Variants in PUS7L observed in about 807,000 individuals in gnomAD.
PUS7L encodes pseudouridine synthase 7 like.
PUS7L carries 49 observed loss-of-function variants against 51.1 expected under a neutral mutation model. The ratio of observed to expected loss-of-function variants is 0.96; its 90% CI spans 0.76 to 1.22. PUS7L has a LOEUF of 1.22. Ranked by LOEUF, PUS7L falls within the 50% of genes most tolerant of loss-of-function variation. PUS7L has a pLI of 0.00. For missense variants in PUS7L, 828 were observed against 820.6 expected (o/e 1.01, Z -0.11); for synonymous variants, 277 against 276.2 (o/e 1.00, Z -0.03).
intron 5 of PUS7L, chr12:43,739,131 AC>A (rs1420733304): frequency 1.3e-5 from 2 of 152,702 alleles, no homozygotes; most frequent in Admixed American, 6.5e-5. Context: ...AAGATCAAGA[AC>A]CACTCTGAGG....
Position 43,736,362 on chromosome 12 carries a change from C to G in PUS7L, c.1725+19G>C. 1 of 1,606,306 alleles carries G rather than the reference C, an allele frequency of 6.2e-7. No individual in the cohort carries two copies. Among genetic ancestry groups the G allele is most frequent in the South Asian group, 1.1e-5 (1 of 90,662 alleles). ...GTATAGTAACTACTCTTGGAAAACT[C>G]TGATGGAATGATACTTACTTTACTA... On this transcript the variant is annotated intron_variant, in intron 7 of 8. Coordinates refer to ENST00000344862, the MANE Select transcript of PUS7L (RefSeq NM_031292.5).
intron 5 of PUS7L, among the ~76,000 whole-genome samples, chr12:43,742,011 C>A (rs906384288): frequency 2.0e-5 from 3 of 152,064 alleles, no homozygotes; most frequent in African/African-American, 7.3e-5. Flanking sequence ...AATATTTCAG[C>A]AAATGCAGCT....
rs1033586491 is a variant in PUS7L at position 43,758,734 on chromosome 12, G to A, written c.-21C>T. The A allele has an allele frequency of 1.0e-6, 1 of 975,120 alleles. No homozygotes were observed. Among genetic ancestry groups the A allele is most frequent in the African/African-American group, 1.9e-5 (1 of 53,702 alleles). 60.4% of individuals were successfully genotyped at this position (975,120 alleles called of 1,614,324 possible). A position where few individuals can be genotyped will look rare whatever the true frequency, so the allele number is the denominator to read the frequency against. ...AAGAAACTCGACCCCGTCTACCTCG[G>A]TTCAGTGGAAGGCATTCATTTGCAC... On this transcript the variant is annotated 5_prime_UTR_variant, in exon 1 of 9. Transcript: ENST00000344862.
chr12:43,743,768 A>C lies in PUS7L; in HGVS notation c.1264-1213T>G, dbSNP rs956978194. Among the ~76,000 whole-genome samples, 6 of 152,338 alleles carry C rather than the reference A, an allele frequency of 3.9e-5. No individual in the cohort carries two copies. In the East Asian group the frequency reaches 9.7e-4, roughly 25 times the overall value. ...ACAGAGCGAGACTCCGTCTCAAAAA[A>C]AAAAAAATTAATTACAGATAGAATA... On this transcript the variant is annotated intron_variant, in intron 4 of 8. Transcript: ENST00000344862.
chr12:43,733,070 C>T (rs1592158812), intron 7 of PUS7L, among the ~76,000 whole-genome samples: 1 of 152,264 alleles, frequency 6.6e-6, no homozygotes, highest in East Asian at 1.9e-4. Flanking sequence ...AGGTTGATAT[C>T]CAGCAATTCA....
At chr12:43,745,136 T>TA (rs11383781) in intron 4 of PUS7L, among the ~76,000 whole-genome samples, 93,704 of 151,990 alleles carry the variant, frequency 0.62, 30,639 homozygotes, top group African/African-American at 0.86. Context: ...AGGTCAAAAA[T>TA]TTTATTATCT....
rs138505269 is a variant in PUS7L, at chr12:43,734,706, C to T, written c.1725+1675G>A. Among the ~76,000 whole-genome samples, 75 of 152,158 alleles carry T rather than the reference C, an allele frequency of 4.9e-4. 1 individual carries two copies. The highest frequency in any genetic ancestry group is 2.3e-3 in the South Asian group (11 of 4,824). ...CCAACAGGGCTAGGAGTTAGGCAGC[C>T]GGGTCTTTTTAATTCCACTACTTGT... is the stretch of plus-strand genomic sequence containing the variant. On this transcript the variant is annotated intron_variant, in intron 7 of 8. Transcript: ENST00000344862.
Position 43,736,576 on chromosome 12 carries a change from C to T in PUS7L, c.1530G>A (p.Met510Ile). Reference protein sequence around the residue: ...ALLEALHRFGMTEEGCIQAWF... With the variant: ...ALLEALHRFGITEEGCIQAWF... ...ATGCCTGGATACAACCTTCCTCGGT[C>T]ATGCCAAAGCGGTGCAATGCCTCCA... The change falls in exon 7 of 9, where the codon ATG (methionine) becomes ATA (isoleucine). Residue 510 changes from methionine (M) to isoleucine (I), a missense_variant. Met to Ile is a conservative substitution (Grantham distance 10). Transcript: ENST00000344862. 1 of 1,614,214 alleles carries T rather than the reference C, an allele frequency of 6.2e-7. No homozygotes were observed. Among genetic ancestry groups the T allele is most frequent in the Non-Finnish European group, 8.5e-7 (1 of 1,180,044 alleles).
Position 43,729,011 on chromosome 12 carries a change from A to G in PUS7L, c.*1365T>C. On this transcript the variant is annotated 3_prime_UTR_variant, in exon 9 of 9. Coordinates refer to ENST00000344862, the MANE Select transcript of PUS7L (RefSeq NM_031292.5). ...TATGCTAACATGTCTCTTATTTGTG[A>G]AAGATGAATTCAGAGTATTATTGCA... 5.4e-6 allele frequency: 2 copies of G among 370,586 alleles called. No individual in the cohort carries two copies. Among genetic ancestry groups the G allele is most frequent in the Non-Finnish European group, 9.6e-6 (2 of 207,750 alleles). The allele number at this position is 370,586 out of a possible 1,614,324, so 23.0% of individuals were successfully genotyped here. A position where few individuals can be genotyped will look rare whatever the true frequency, so the allele number is the denominator to read the frequency against.
rs1944385756 is a variant in PUS7L at position 43,720,512 on chromosome 12, C to A, written c.*9864G>T. 6.6e-6 allele frequency: 1 copy of A among 152,158 alleles called. No individual in the cohort carries two copies. The highest frequency in any genetic ancestry group is 2.1e-4 in the South Asian group (1 of 4,828). 9.4% of individuals were successfully genotyped at this position (152,158 alleles called of 1,614,324 possible). On this transcript the variant is annotated 3_prime_UTR_variant, in exon 9 of 9. Coordinates refer to ENST00000344862, the MANE Select transcript of PUS7L (RefSeq NM_031292.5). ...AATAAATAAGTGCATCTCTTAATTT[C>A]TGATATATAGAGATTTTCCTGTTAT...
intron 4 of PUS7L, among the ~76,000 whole-genome samples, chr12:43,744,868 C>T (rs530031221): frequency 1.3e-5 from 2 of 152,130 alleles, no homozygotes; most frequent in South Asian, 2.1e-4. Context: ...AACCTGCATC[C>T]CCAAATGTTC....
At position 43,742,437 on chromosome 12, in the gene PUS7L, A is replaced by G. The variant is rs372512174; in HGVS notation, c.1362+20T>C. ...ATAATTGACAGAAACAGATAAGATTACATTTTTCAAAATCCATACCATTTC... is the reference window on the plus strand; with the variant it reads ...ATAATTGACAGAAACAGATAAGATTGCATTTTTCAAAATCCATACCATTTC... On this transcript the variant is annotated intron_variant, in intron 5 of 8. Transcript: ENST00000344862. The G allele has an allele frequency of 6.5e-7, 1 of 1,536,880 alleles. No individual in the cohort carries two copies. The highest frequency in any genetic ancestry group is 9.0e-7 in the Non-Finnish European group (1 of 1,116,214).
intron 8 of PUS7L, among the ~76,000 whole-genome samples, chr12:43,731,447 C>T (rs898527567): frequency 2.0e-5 from 3 of 151,892 alleles, no homozygotes; most frequent in Non-Finnish European, 2.9e-5. Context: ...TGGGAATGGG[C>T]GCAGGAAAAT....
chr12:43,723,353 A>G lies in PUS7L; in HGVS notation c.*7023T>C, dbSNP rs561091642. 6.6e-6 allele frequency: 1 copy of G among 152,138 alleles called. No homozygotes were observed. The highest frequency in any genetic ancestry group is 1.5e-5 in the Non-Finnish European group (1 of 67,974). 9.4% of individuals were successfully genotyped at this position (152,138 alleles called of 1,614,324 possible). ...CCATTCTTTAAACTAGTAGCTTTTT[A>G]GAAAGCAGCATTTAGACTGAATAGT... On this transcript the variant is annotated 3_prime_UTR_variant, in exon 9 of 9. Coordinates refer to ENST00000344862, the MANE Select transcript of PUS7L (RefSeq NM_031292.5).
In PUS7L at chr12:43,724,106, T is replaced by C. The variant is rs974877396; in HGVS notation, c.*6270A>G. 6.6e-6 allele frequency: 1 copy of C among 152,070 alleles called. No homozygotes were observed. The highest frequency in any genetic ancestry group is 2.4e-5 in the African/African-American group (1 of 41,432). The allele number at this position is 152,070 out of a possible 1,614,324, so 9.4% of individuals were successfully genotyped here. ...CTCCCCATATCTTCCTCCAACCTCT[T>C]TTCCTACCCTTACATTAATGTAAAA... On this transcript the variant is annotated 3_prime_UTR_variant, in exon 9 of 9. Transcript: ENST00000344862.
At chr12:43,749,873 A>G (rs1226090701) in intron 2 of PUS7L, among the ~76,000 whole-genome samples, 5 of 152,122 alleles carry the variant, frequency 3.3e-5, no homozygotes, top group Non-Finnish European at 5.9e-5. Flanking sequence ...AATGGAAACA[A>G]TAGACACTGG....
intron 6 of PUS7L, 162 bp downstream of exon 6, chr12:43,738,148 A>G: frequency 1.9e-6 from 1 of 537,540 alleles, no homozygotes; most frequent in Non-Finnish European, 3.3e-6. Context: ...CCAAAAACGA[A>G]GTGAGTGCCT....
At chr12:43,731,425 A>G (rs1944551037) in intron 8 of PUS7L, among the ~76,000 whole-genome samples, 1 of 152,164 alleles carries the variant, frequency 6.6e-6, no homozygotes, top group Non-Finnish European at 1.5e-5. Context: ...AGGGGTTGCC[A>G]GGGGTGAGGG....
rs529561780 is a variant in PUS7L, at chr12:43,748,658, T to G, written c.911-49A>C. On this transcript the variant is annotated intron_variant, in intron 2 of 8. Coordinates refer to ENST00000344862, the MANE Select transcript of PUS7L (RefSeq NM_031292.5). ...TCACAAAAAAAGCAGCTACCATACA[T>G]CAATTACATTCTTAGCTAACAGATT... The G allele has an allele frequency of 2.2e-6, 3 of 1,354,386 alleles. No individual in the cohort carries two copies. In the South Asian group the frequency reaches 4.1e-5, roughly 18 times the overall value. 83.9% of individuals were successfully genotyped at this position (1,354,386 alleles called of 1,614,324 possible).
Sources: gnomAD v4.1 joint callset for allele counts (sites outside exome capture counted in the v4.1 genomes callset) on GRCh38, gnomAD v4.1.1 for gene constraint, MANE v1.5 for transcripts, NCBI Gene and HGNC (gene_info 2026-07-23, HGNC 2026-07-21) for gene names.